The following CCZ1 variants were observed in gnomAD, a reference collection of about 807,000 sequenced individuals.
The protein encoded by CCZ1 is vacuolar fusion protein CCZ1 homolog.
CCZ1 carries 19 observed loss-of-function variants against 57.8 expected under a neutral mutation model. The ratio of observed to expected loss-of-function variants is 0.33; its 90% CI spans 0.23 to 0.48. CCZ1 has a LOEUF of 0.48. CCZ1 is among the 20% of genes least tolerant of loss of function. The pLI, the probability that CCZ1 is intolerant of heterozygous loss-of-function variation, is 0.99. For missense variants in CCZ1, 200 were observed against 492.0 expected (o/e 0.41, Z 5.61); for synonymous variants, 81 against 167.0 (o/e 0.49, Z 3.97).
In CCZ1 at chr7:5,915,240, A is replaced by C. The variant is rs141247919; in HGVS notation, c.954+2286A>C. Among the ~76,000 whole-genome samples, 879 of 141,088 alleles carry C rather than the reference A, an allele frequency of 6.2e-3. 1 individual carries two copies. Among genetic ancestry groups the C allele is most frequent in the Middle Eastern group, 0.018 (5 of 274 alleles). The allele number at this position is 141,088 out of a possible 152,430, so 92.6% of individuals were successfully genotyped here. A position where few individuals can be genotyped will look rare whatever the true frequency, so the allele number is the denominator to read the frequency against. Reference sequence around the variant, plus strand: ...CTGGCAGGGAAGGGGAGATTGCAGGAAGAGCATACAGAAAGATGTGGTCTG... The same window carrying C: ...CTGGCAGGGAAGGGGAGATTGCAGGCAGAGCATACAGAAAGATGTGGTCTG... On this transcript the variant is annotated intron_variant, in intron 10 of 14. Coordinates refer to ENST00000325974, the MANE Select transcript of CCZ1 (RefSeq NM_015622.6).
At chr7:5,908,813 TC>T (rs1356254197) in intron 7 of CCZ1, among the ~76,000 whole-genome samples, 1 of 144,104 alleles carries the variant, frequency 6.9e-6, no homozygotes, top group Admixed American at 7.0e-5. Flanking sequence ...TGCTGCTCCT[TC>T]CTGCCTCATT....
chr7:5,906,758 A>G (rs769446668), intron 7 of CCZ1, among the ~76,000 whole-genome samples: 5 of 150,610 alleles, frequency 3.3e-5, no homozygotes, highest in Non-Finnish European at 5.9e-5. Context: ...TTAAGAAGAG[A>G]AACAAGTTAC....
At chr7:5,906,869 C>CTT (rs369672255) in intron 7 of CCZ1, among the ~76,000 whole-genome samples, 3 of 147,620 alleles carry the variant, frequency 2.0e-5, no homozygotes, top group African/African-American at 7.5e-5. Flanking sequence ...AACCCATCTA[C>CTT]TTTTTTTTTT....
intron 4 of CCZ1, 24 bp from the exon 5 acceptor site, chr7:5,901,633 T>C (rs1781687506): frequency 1.3e-6 from 2 of 1,591,398 alleles, no homozygotes; most frequent in East Asian, 2.5e-5. Flanking sequence ...AACTGAGCTG[T>C]GTGCTGTGTT....
chr7:5,901,796 T>C, intron 5 of CCZ1, 92 bp downstream of exon 5: 25 of 1,511,408 alleles, frequency 1.7e-5, no homozygotes, highest in Non-Finnish European at 2.2e-5. Context: ...TGTAAATGAC[T>C]GCAAAGTGAC....
intron 7 of CCZ1, among the ~76,000 whole-genome samples, chr7:5,906,513 A>G (rs143420603): frequency 3.4e-5 from 5 of 146,806 alleles, no homozygotes; most frequent in East Asian, 2.4e-4. Flanking sequence ...AGTACAGACA[A>G]GGTTTTACCA....
chr7:5,924,028 GTTAAAAAATAGGTAAATAGAACAAA>G, intron 14 of CCZ1, 66 bp downstream of exon 14: 2 of 827,434 alleles, frequency 2.4e-6, no homozygotes, highest in Non-Finnish European at 3.9e-6. Context: ...AAGAAACATG[GTTAAAAAATAGGTAAATAGAACAAA>G]TCATGACTGT....
chr7:5,926,270 T>TTA lies in CCZ1; in HGVS notation c.*584_*585dup. 1 of 710,094 alleles carries TTA rather than the reference T, an allele frequency of 1.4e-6. No individual in the cohort carries two copies. Among genetic ancestry groups the TTA allele is most frequent in the Non-Finnish European group, 2.3e-6 (1 of 429,746 alleles). 44.0% of individuals were successfully genotyped at this position (710,094 alleles called of 1,614,324 possible). On this transcript the variant is annotated 3_prime_UTR_variant, in exon 15 of 15. Coordinates refer to ENST00000325974, the MANE Select transcript of CCZ1 (RefSeq NM_015622.6). ...GAGATGCAGTGGGCCAAGGGGTATG[T>TTA]TAAAACACTGTGACGAGTTCAGTGC...
intron 10 of CCZ1, among the ~76,000 whole-genome samples, chr7:5,913,458 C>T (rs2528334): frequency 6.6e-6 from 1 of 151,502 alleles, no homozygotes; most frequent in Non-Finnish European, 1.5e-5. Context: ...GCACGTGTTT[C>T]TCCTCTTTCC....
In CCZ1 at chr7:5,902,747, A is replaced by G. The variant is rs1290211992; in HGVS notation, c.522+3A>G. 6.9e-6 allele frequency: 11 copies of G among 1,591,118 alleles called. No homozygotes were observed. Among genetic ancestry groups the G allele is most frequent in the Non-Finnish European group, 9.4e-6 (11 of 1,175,634 alleles). On this transcript the variant is annotated splice_donor_region_variant and intron_variant, in intron 6 of 14. Coordinates refer to ENST00000325974, the MANE Select transcript of CCZ1 (RefSeq NM_015622.6). ...GATTAGAGAAATTCTTCCATCGGGTAAGTATTTTGAATTTCATTTATAACT... is the reference window on the plus strand; with the variant it reads ...GATTAGAGAAATTCTTCCATCGGGTGAGTATTTTGAATTTCATTTATAACT...
At chr7:5,920,582 A>C (rs1158972583) in intron 12 of CCZ1, among the ~76,000 whole-genome samples, 3 of 123,342 alleles carry the variant, frequency 2.4e-5, no homozygotes, top group Non-Finnish European at 3.6e-5. Flanking sequence ...AGCGATTCTC[A>C]TGCCTCATCC....
chr7:5,908,092 A>C (rs1367581714), intron 7 of CCZ1, among the ~76,000 whole-genome samples: 1 of 141,648 alleles, frequency 7.1e-6, no homozygotes, highest in Non-Finnish European at 1.5e-5. Flanking sequence ...TGGGTGACAG[A>C]GCAAGACCCT....
chr7:5,902,697 G>A lies in CCZ1; in HGVS notation c.475G>A (p.Gly159Arg), dbSNP rs775494123. ...NGTFLKAMED[G>R]GVKLLKERLE... is the part of the protein sequence containing the mutation. ...TACATTTCTGAAAGCCATGGAAGAC[G>A]GAGGCGTCAAGCTTCTGAAAGAAAG... Residue 159 changes from glycine (G) to arginine (R), a missense_variant, in exon 6 of 15, where the codon GGA becomes AGA. Around this residue, in one of 5 missense-constraint regions of CCZ1, gnomAD observed 128 missense variants for 178.4 expected, o/e 0.72. Transcript: ENST00000325974. 3.1e-6 allele frequency: 5 copies of A among 1,590,898 alleles called. No individual in the cohort carries two copies. The highest frequency in any genetic ancestry group is 1.8e-5 in the Admixed American group (1 of 56,760).
At chr7:5,916,505 GTTTTTT>G (rs113216947) in intron 10 of CCZ1, among the ~76,000 whole-genome samples, 9 of 43,348 alleles carry the variant, frequency 2.1e-4, no homozygotes, top group East Asian at 5.2e-4. Flanking sequence ...TTTGTTTTTT[GTTTTTT>G]TTTTTTTTGG....
chr7:5,910,008 T>A, intron 7 of CCZ1, 27 bp from the exon 8 acceptor site: 1 of 1,597,194 alleles, frequency 6.3e-7, no homozygotes, highest in Non-Finnish European at 8.6e-7. Flanking sequence ...TCCAAACGTT[T>A]AACCCAGTGC....
chr7:5,906,626 C>T (rs1384896500), intron 7 of CCZ1, among the ~76,000 whole-genome samples: 3 of 148,676 alleles, frequency 2.0e-5, no homozygotes, highest in African/African-American at 5.0e-5. Context: ...CCTGGCCTAG[C>T]CCAGTTTCTT....
At position 5,903,733 on chromosome 7, in the gene CCZ1, C is replaced by A. The variant is rs1157310856; in HGVS notation, c.522+989C>A. On this transcript the variant is annotated intron_variant, in intron 6 of 14. Coordinates refer to ENST00000325974, the MANE Select transcript of CCZ1 (RefSeq NM_015622.6). ...TCTTGGCTGGGTGTGGTGGCTTACG[C>A]CTGTGATCCCACCACTTTGGGAGGC... is the stretch of plus-strand genomic sequence containing the variant. Among the ~76,000 whole-genome samples, 5 of 147,854 alleles carry A rather than the reference C, an allele frequency of 3.4e-5. 1 individual carries two copies. In the East Asian group the frequency reaches 1.1e-3, roughly 33 times the overall value.
chr7:5,910,628 C>G (rs1179836080), intron 8 of CCZ1, among the ~76,000 whole-genome samples: 1 of 135,390 alleles, frequency 7.4e-6, no homozygotes, highest in African/African-American at 2.6e-5. Flanking sequence ...CCCCAGTCCA[C>G]AAGCATGTTT....
At chr7:5,924,408 TTC>T (rs555593858) in intron 14 of CCZ1, among the ~76,000 whole-genome samples, 4,641 of 93,376 alleles carry the variant, frequency 0.05, 349 homozygotes, top group Admixed American at 0.067. Context: ...CCCAGCTAAT[TTC>T]TTTTTTTTTT....
Sources: gnomAD v4.1 joint callset for allele counts (sites outside exome capture counted in the v4.1 genomes callset) on GRCh38, gnomAD v4.1.1 for gene constraint, gnomAD v4.1.1 regional missense constraint, MANE v1.5 for transcripts, NCBI Gene and HGNC (gene_info 2026-07-23, HGNC 2026-07-21) for gene names.